EFHC2: variants seen among roughly 807,000 people sequenced by gnomAD.
The protein encoded by EFHC2 is EF-hand domain-containing family member C2.
In EFHC2, 18 loss-of-function variants were observed where a neutral mutation model predicts 52.7. The ratio of observed to expected loss-of-function variants is 0.34; its 90% CI spans 0.24 to 0.51. EFHC2 has a LOEUF of 0.51. Among genes scored for constraint, EFHC2 ranks in the 20% least tolerant of loss-of-function variants. The pLI is 0.97. For missense variants in EFHC2, 513 were observed against 562.5 expected (o/e 0.91, Z 0.89); for synonymous variants, 203 against 204.1 (o/e 0.99, Z 0.04).
At chrX:44,276,655 T>C (rs977321075) in intron 2 of EFHC2, among the ~76,000 whole-genome samples, 1 of 112,343 alleles carries the variant, frequency 8.9e-6, no homozygotes, top group African/African-American at 3.2e-5. Context: ...TAGAGAAGAA[T>C]CTATCCTATC....
intron 3 of EFHC2, among the ~76,000 whole-genome samples, chrX:44,268,734 T>C (rs2037595847): frequency 8.9e-6 from 1 of 112,382 alleles, no homozygotes; most frequent in African/African-American, 3.2e-5. Flanking sequence ...AAATTCTTTG[T>C]TCTTAAATAA....
At chrX:44,240,944 A>T (rs2037354902) in intron 8 of EFHC2, among the ~76,000 whole-genome samples, 1 of 112,397 alleles carries the variant, frequency 8.9e-6, no homozygotes, top group Non-Finnish European at 1.9e-5. Flanking sequence ...TAGCAAAGGC[A>T]GACTTTAAGA....
intron 13 of EFHC2, among the ~76,000 whole-genome samples, chrX:44,174,927 T>C (rs1380205456): frequency 8.9e-6 from 1 of 112,294 alleles, no homozygotes; most frequent in African/African-American, 3.2e-5. Context: ...GTTGATTCAA[T>C]GCACATACAC....
chrX:44,241,289 G>A (rs1293945285), intron 8 of EFHC2, among the ~76,000 whole-genome samples: 1 of 111,969 alleles, frequency 8.9e-6, no homozygotes, highest in Non-Finnish European at 1.9e-5. Context: ...CGAGGGCAGT[G>A]TCTACATTCT....
At chrX:44,202,306 G>A (rs781697807) in intron 11 of EFHC2, among the ~76,000 whole-genome samples, 28 of 111,314 alleles carry the variant, frequency 2.5e-4, no homozygotes, top group African/African-American at 8.5e-4. Flanking sequence ...CCAGCTACTC[G>A]GGAGGCTGAG....
At chrX:44,304,742 T>G (rs1314187748) in intron 2 of EFHC2, among the ~76,000 whole-genome samples, 1 of 110,456 alleles carries the variant, frequency 9.1e-6, no homozygotes, top group East Asian at 2.8e-4. Flanking sequence ...TTCTTTTGCC[T>G]GTTTTTAGAA....
chrX:44,304,188 G>A (rs2037887786), intron 2 of EFHC2, among the ~76,000 whole-genome samples: 2 of 105,910 alleles, frequency 1.9e-5, no homozygotes, highest in Non-Finnish European at 3.9e-5. Flanking sequence ...GTGGGTGCCT[G>A]ATGTAATTAG....
chrX:44,290,194 T>A (rs763186739), intron 2 of EFHC2, among the ~76,000 whole-genome samples: 19 of 111,587 alleles, frequency 1.7e-4, no homozygotes, highest in Admixed American at 4.8e-4. Flanking sequence ...CAAGTTTACC[T>A]TTTCCATCAC....
chrX:44,165,116 C>T (rs1305868717), intron 13 of EFHC2, among the ~76,000 whole-genome samples: 4 of 111,729 alleles, frequency 3.6e-5, no homozygotes, highest in Non-Finnish European at 7.5e-5. Flanking sequence ...TTGTTCCAGG[C>T]ACCCTATTCC....
At chrX:44,338,728 CA>C (rs72214962) in intron 1 of EFHC2, among the ~76,000 whole-genome samples, 49 of 90,296 alleles carry the variant, frequency 5.4e-4, no homozygotes, top group East Asian at 2.1e-3. Context: ...TTTTCCTTTT[CA>C]AAAAAAAAAA....
intron 3 of EFHC2, among the ~76,000 whole-genome samples, chrX:44,269,919 C>A (rs2037605224): frequency 9.1e-6 from 1 of 110,123 alleles, no homozygotes; most frequent in African/African-American, 3.3e-5. Flanking sequence ...TTAGATATTC[C>A]CCCTCCTCAC....
chrX:44,331,870 A>T (rs1226647631), intron 1 of EFHC2, among the ~76,000 whole-genome samples: 7 of 110,718 alleles, frequency 6.3e-5, no homozygotes, highest in Non-Finnish European at 1.3e-4. Flanking sequence ...GTTGTAGTGA[A>T]CTATGATCAT....
chrX:44,209,712 G>T (rs2037080462), intron 11 of EFHC2, among the ~76,000 whole-genome samples: 1 of 108,989 alleles, frequency 9.2e-6, no homozygotes, highest in Non-Finnish European at 1.9e-5. Flanking sequence ...GAACTGGGCT[G>T]CACAGCAGGA....
At chrX:44,232,734 T>C (rs1398306251) in intron 9 of EFHC2, 57 bp from the exon 10 acceptor site, 4 of 1,060,488 alleles carry the variant, frequency 3.8e-6, no homozygotes, top group East Asian at 6.6e-5. Flanking sequence ...ACCACGTGAC[T>C]TGCCTTCAGA....
chrX:44,343,467 C>A, intron 1 of EFHC2, 80 bp downstream of exon 1: 1 of 1,125,740 alleles, frequency 8.9e-7, no homozygotes, highest in Non-Finnish European at 1.2e-6. Flanking sequence ...GGAGAGTCTG[C>A]GGAGGTGGCC....
chrX:44,298,445 G>T (rs371605200), intron 2 of EFHC2, among the ~76,000 whole-genome samples: 294 of 111,865 alleles, frequency 2.6e-3, no homozygotes, highest in African/African-American at 8.9e-3. Flanking sequence ...CAATGGGAAA[G>T]GGCTAAACGA....
intron 11 of EFHC2, among the ~76,000 whole-genome samples, chrX:44,221,507 A>G (rs1052513812): frequency 6.3e-5 from 7 of 111,975 alleles, no homozygotes; most frequent in African/African-American, 2.3e-4. Flanking sequence ...TCTGCTAGAA[A>G]ATGTTTTCAA....
intron 13 of EFHC2, among the ~76,000 whole-genome samples, chrX:44,174,986 C>G (rs774320846): frequency 8.9e-6 from 1 of 112,063 alleles, no homozygotes; most frequent in South Asian, 3.8e-4. Flanking sequence ...ATACCTTGGA[C>G]CCTAGTTCCC....
At chrX:44,205,044 G>C in intron 11 of EFHC2, among the ~76,000 whole-genome samples, 1 of 111,680 alleles carries the variant, frequency 9.0e-6, no homozygotes, top group Non-Finnish European at 1.9e-5. Context: ...CTAGATTGGA[G>C]ACCTATTTTT....
Sources: allele counts gnomAD v4.1 joint callset (sites outside exome capture counted in the v4.1 genomes callset), GRCh38; gene constraint gnomAD v4.1.1; transcripts MANE v1.5; gene names NCBI Gene and HGNC (gene_info 2026-07-23, HGNC 2026-07-21).